Variants in CSMD3 observed in about 807,000 individuals in gnomAD.
The protein encoded by CSMD3 is CUB and Sushi multiple domains 3, also known as CUB and sushi domain-containing protein 3.
Under a neutral mutation model 435.2 loss-of-function variants are expected in CSMD3, and 177 were observed. That is an observed-to-expected ratio of 0.41 (90% CI 0.36 to 0.46). CSMD3 has a LOEUF of 0.46. CSMD3 is among the 20% of genes least tolerant of loss of function. The pLI, the probability that CSMD3 is intolerant of heterozygous loss-of-function variation, is 0.34. For synonymous variants in CSMD3, 1,656 were observed against 1,520.5 expected, an observed-to-expected ratio of 1.09 and a Z score of -2.07; for missense variants, 4,265 against 4,504.6, an observed-to-expected ratio of 0.95 and a Z score of 1.52.
At chr8:113,282,898 T>C (rs1197873049) in intron 2 of CSMD3, among the ~76,000 whole-genome samples, 4 of 152,012 alleles carry the variant, frequency 2.6e-5, no homozygotes, top group Non-Finnish European at 4.4e-5. Context: ...CATAGACCAA[T>C]GGAACAGAAT....
chr8:113,274,579 T>C (rs1017582426), intron 3 of CSMD3, among the ~76,000 whole-genome samples: 1 of 152,080 alleles, frequency 6.6e-6, no homozygotes, highest in African/African-American at 2.4e-5. Flanking sequence ...TCTTTCATCA[T>C]AGACAGTTTG....
chr8:112,380,301 A>T (rs753677179), intron 38 of CSMD3, 51 bp downstream of exon 38: 1 of 948,956 alleles, frequency 1.1e-6, no homozygotes, highest in South Asian at 1.4e-5. Context: ...ATTTTTAATT[A>T]ATATAAACTT....
At chr8:112,770,331 C>T (rs6469439) in intron 13 of CSMD3, among the ~76,000 whole-genome samples, 50,390 of 151,638 alleles carry the variant, frequency 0.33, 9,220 homozygotes, top group African/African-American at 0.5. Flanking sequence ...TTGACCCTTC[C>T]ACCTTCTGCC....
At chr8:112,936,303 C>A (rs1421360329) in intron 9 of CSMD3, among the ~76,000 whole-genome samples, 3 of 152,014 alleles carry the variant, frequency 2.0e-5, no homozygotes, top group African/African-American at 7.2e-5. Context: ...CATTTTACTT[C>A]TGTACCTATG....
chr8:112,453,560 G>T (rs1210506771), intron 32 of CSMD3, among the ~76,000 whole-genome samples: 1 of 152,052 alleles, frequency 6.6e-6, no homozygotes, highest in Non-Finnish European at 1.5e-5. Context: ...AACTAAGGGG[G>T]TGAAAGATCT....
At chr8:112,739,145 A>G (rs1434504890) in intron 13 of CSMD3, among the ~76,000 whole-genome samples, 4 of 151,824 alleles carry the variant, frequency 2.6e-5, no homozygotes, top group South Asian at 4.1e-4. Flanking sequence ...TAATTAAGAA[A>G]GTATTTTGTA....
intron 3 of CSMD3, among the ~76,000 whole-genome samples, chr8:113,265,192 A>G (rs977632779): frequency 2.6e-5 from 4 of 151,754 alleles, no homozygotes; most frequent in African/African-American, 7.2e-5. Flanking sequence ...GAGAAAGAGC[A>G]TTCAAAAATC....
chr8:113,068,052 GT>G (rs1564276648), intron 5 of CSMD3, among the ~76,000 whole-genome samples: 2 of 152,230 alleles, frequency 1.3e-5, no homozygotes, highest in East Asian at 3.9e-4. Flanking sequence ...GTGTTCCAAT[GT>G]TTTAAAACAA....
chr8:113,245,821 G>A (rs1356016360), intron 3 of CSMD3, among the ~76,000 whole-genome samples: 1 of 151,972 alleles, frequency 6.6e-6, no homozygotes, highest in Non-Finnish European at 1.5e-5. Context: ...ATCTGCTGGT[G>A]ATAAATTCTC....
At chr8:113,242,528 G>T (rs1010797607) in intron 3 of CSMD3, among the ~76,000 whole-genome samples, 7 of 152,112 alleles carry the variant, frequency 4.6e-5, no homozygotes, top group Non-Finnish European at 8.8e-5. Context: ...CCATTGTAAA[G>T]ACAAGTGATT....
At chr8:112,467,986 G>C (rs1311936407) in intron 32 of CSMD3, among the ~76,000 whole-genome samples, 1 of 152,162 alleles carries the variant, frequency 6.6e-6, no homozygotes, top group Admixed American at 6.6e-5. Context: ...TGTTATAGTA[G>C]CCTTAGGACA....
At chr8:113,323,704 A>G (rs929171878) in intron 1 of CSMD3, among the ~76,000 whole-genome samples, 1 of 152,250 alleles carries the variant, frequency 6.6e-6, no homozygotes, top group African/African-American at 2.4e-5. Context: ...AAATGTTTAT[A>G]TATCAAATTA....
chr8:112,295,800 A>G (rs1161443600), intron 54 of CSMD3, 33 bp downstream of exon 54: 1 of 1,590,978 alleles, frequency 6.3e-7, no homozygotes, highest in Admixed American at 1.7e-5. Context: ...CAAAGATCAG[A>G]GGTCTCTAAT....
rs2130715003 is a variant in CSMD3, at chr8:112,295,905, G to A, written c.8542C>T (p.Arg2848Ter). 2 of 1,613,744 alleles carry A rather than the reference G, an allele frequency of 1.2e-6. No individual in the cohort carries two copies. Among genetic ancestry groups the A allele is most frequent in the Middle Eastern group, 1.6e-4 (1 of 6,062 alleles). ...TVVYQCNPGF[R>*]LIGSSVRICQ... is the part of the protein sequence containing the mutation. ...ATCCTCACTGAAGAACCAATCAATC[G>A]AAAACCAGGATTACATTGATATACA... Residue 2848 changes from arginine to a stop codon, truncating the protein, a stop_gained, in exon 54 of 71, where the codon CGA (arginine) becomes TGA (stop). Coordinates refer to ENST00000297405, the MANE Select transcript of CSMD3 (RefSeq NM_198123.2). LOFTEE classifies it high-confidence loss of function.
chr8:113,382,134 G>A (rs2094418709), intron 1 of CSMD3, among the ~76,000 whole-genome samples: 1 of 152,008 alleles, frequency 6.6e-6, no homozygotes, highest in African/African-American at 2.4e-5. Context: ...ATGTGGAATT[G>A]TTTTTACAAA....
intron 1 of CSMD3, among the ~76,000 whole-genome samples, chr8:113,420,848 CTGAGACAGGGAGAAG>C (rs1011348628): frequency 6.6e-6 from 1 of 151,586 alleles, no homozygotes; most frequent in African/African-American, 2.4e-5. Flanking sequence ...GCTTGGGAGG[CTGAGACAGGGAGAAG>C]TTCCTGAACC....
chr8:112,461,880 AAG>A (rs1411758572), intron 32 of CSMD3, among the ~76,000 whole-genome samples: 1 of 152,174 alleles, frequency 6.6e-6, no homozygotes, highest in African/African-American at 2.4e-5. Flanking sequence ...GTACTTCTGT[AAG>A]CAGATTTTTG....
intron 2 of CSMD3, among the ~76,000 whole-genome samples, chr8:113,292,748 T>C (rs551835847): frequency 8.6e-5 from 13 of 151,956 alleles, no homozygotes; most frequent in Non-Finnish European, 1.9e-4. Context: ...GGAGGTAATA[T>C]TATTAGGTTG....
chr8:112,314,161 C>T, intron 48 of CSMD3, 109 bp from the exon 49 acceptor site: 1 of 827,996 alleles, frequency 1.2e-6, no homozygotes, highest in Admixed American at 2.2e-5. Flanking sequence ...TGCTTCACCA[C>T]CAATCTACCT....
Sources: gnomAD v4.1 joint callset for allele counts (sites outside exome capture counted in the v4.1 genomes callset) on GRCh38, gnomAD v4.1.1 for gene constraint, MANE v1.5 for transcripts, NCBI Gene and HGNC (gene_info 2026-07-23, HGNC 2026-07-21) for gene names.